The following CDH26 variants were observed in gnomAD, a reference collection of about 807,000 sequenced individuals.
The protein encoded by CDH26 is cadherin-like protein 26.
Under a neutral mutation model 90.3 loss-of-function variants are expected in CDH26, and 83 were observed. That is an observed-to-expected ratio of 0.92 (90% CI 0.77 to 1.10). The LOEUF is 1.10. Among genes scored for constraint, CDH26 ranks in the 50% least tolerant of loss-of-function variants. The probability of loss-of-function intolerance (pLI) is 0.00; values close to 1 mark genes in which losing one functional copy is unlikely to be tolerated. For synonymous variants in CDH26, 397 were observed against 396.3 expected, an observed-to-expected ratio of 1.00 and a Z score of -0.02; for missense variants, 1,013 against 1,037.6, an observed-to-expected ratio of 0.98 and a Z score of 0.33.
At chr20:60,021,891 CACACACAT>C (rs1218612989) in intron 7 of CDH26, among the ~76,000 whole-genome samples, 15 of 90,072 alleles carry the variant, frequency 1.7e-4, no homozygotes, top group African/African-American at 5.2e-4. Context: ...CACACACACA[CACACACAT>C]ATATATATAT....
chr20:60,021,912 A>ATATATATG (rs1457060851), intron 7 of CDH26, among the ~76,000 whole-genome samples: 1 of 141,160 alleles, frequency 7.1e-6, no homozygotes, highest in African/African-American at 2.5e-5. Context: ...ATATATATAT[A>ATATATATG]TATATCCTGA....
In CDH26 at chr20:59,996,686, A is replaced by G; in HGVS notation, c.1944A>G (p.Gly648=). The G allele has an allele frequency of 6.2e-7, 1 of 1,614,174 alleles. No individual in the cohort carries two copies. The highest frequency in any genetic ancestry group is 1.1e-5 in the South Asian group (1 of 91,086). The change falls in exon 13 of 18, where the codon GGA becomes GGG. Residue 648 remains glycine, a synonymous_variant. Coordinates refer to ENST00000348616, the MANE Select transcript of CDH26 (RefSeq NM_177980.4). The stretch of plus-strand genomic sequence containing the variant: ...TTGTGCTTGAACCTAAGAGGCATGG[A>G]TGCTCTGTATCCAATGATGAAGGCC... ...CYFVLEPKRH[G]CSVSNDEGHQ... is the part of the protein sequence containing the mutation.
At chr20:59,998,836 A>G (rs1222500314) in intron 13 of CDH26, among the ~76,000 whole-genome samples, 1 of 152,190 alleles carries the variant, frequency 6.6e-6, no homozygotes, top group African/African-American at 2.4e-5. Context: ...CATGCAATAA[A>G]GGGTGGCCGC....
intron 12 of CDH26, 74 bp downstream of exon 12, chr20:59,996,128 C>T (rs1198149580): frequency 1.4e-6 from 2 of 1,458,698 alleles, no homozygotes; most frequent in Admixed American, 1.9e-5. Context: ...AAGGGGCTTG[C>T]TGGGGTAGGG....
rs1224162831 is a variant in CDH26, at chr20:59,983,075, G to C, written c.541+5G>C. 6.2e-7 allele frequency: 1 copy of C among 1,613,000 alleles called. No individual in the cohort carries two copies. Among genetic ancestry groups the C allele is most frequent in the African/African-American group, 1.3e-5 (1 of 74,956 alleles). On this transcript the variant is annotated splice_donor_5th_base_variant and intron_variant, in intron 5 of 17. Transcript: ENST00000348616. ...TGCAAGAAAACCAATCTGCAGGTGT[G>C]TGCGGCTGGGGGGCTGCCGGGCTTC...
intron 7 of CDH26, among the ~76,000 whole-genome samples, chr20:60,023,215 CA>C (rs1449851557): frequency 2.0e-5 from 3 of 152,212 alleles, no homozygotes; most frequent in South Asian, 2.1e-4. Context: ...AGCCCTACTC[CA>C]CTCCTGAACC....
chr20:60,021,665 T>G (rs2061952193), intron 7 of CDH26, among the ~76,000 whole-genome samples: 2 of 152,114 alleles, frequency 1.3e-5, no homozygotes, highest in Non-Finnish European at 1.5e-5. Flanking sequence ...ATTCCTGCAT[T>G]ATGAGATGCT....
intron 5 of CDH26, among the ~76,000 whole-genome samples, chr20:59,984,031 A>T (rs2061424976): frequency 6.6e-6 from 1 of 152,204 alleles, no homozygotes; most frequent in Admixed American, 6.5e-5. Context: ...CTGTGTCCCA[A>T]TCAAGCATTA....
intron 1 of CDH26, among the ~76,000 whole-genome samples, chr20:59,960,573 G>A (rs1000976104): frequency 1.3e-5 from 2 of 152,160 alleles, no homozygotes; most frequent in East Asian, 1.9e-4. Flanking sequence ...ATACTTTTTC[G>A]AAGAAATCTT....
intron 1 of CDH26, among the ~76,000 whole-genome samples, chr20:59,966,722 G>A (rs141067532): frequency 6.6e-6 from 1 of 152,250 alleles, no homozygotes; most frequent in East Asian, 1.9e-4. Context: ...TTGGCCTTGT[G>A]GACTCTCTTA....
intron 4 of CDH26, among the ~76,000 whole-genome samples, chr20:59,974,230 T>C (rs1822562647): frequency 6.6e-6 from 1 of 152,264 alleles, no homozygotes; most frequent in African/African-American, 2.4e-5. Flanking sequence ...TTTGTCCACT[T>C]TTTAATGGGG....
chr20:59,997,292 T>C (rs1336935862), intron 13 of CDH26, among the ~76,000 whole-genome samples: 2 of 152,278 alleles, frequency 1.3e-5, no homozygotes, highest in African/African-American at 2.4e-5. Context: ...TCTTCTACCA[T>C]TGTCCGGCAA....
At chr20:59,967,587 T>G (rs918378251) in intron 1 of CDH26, among the ~76,000 whole-genome samples, 11 of 152,170 alleles carry the variant, frequency 7.2e-5, no homozygotes, top group African/African-American at 2.7e-4. Context: ...TGTGAAAATT[T>G]ACCAGTTGTT....
chr20:60,026,417 A>AGAGG (rs1265855438), intron 7 of CDH26, among the ~76,000 whole-genome samples: 2 of 151,724 alleles, frequency 1.3e-5, no homozygotes, highest in Non-Finnish European at 2.9e-5. Flanking sequence ...AGAGAGAGAG[A>AGAGG]GAGAGAGAGG....
At position 59,992,272 on chromosome 20, in the gene CDH26, G is replaced by T; in HGVS notation, c.1284-106G>T. On this transcript the variant is annotated intron_variant, in intron 9 of 17. Transcript: ENST00000348616. This position sits in a 1 kb window ranked among gnomAD's most constrained non-coding sequence, Gnocchi z 5.0. The stretch of plus-strand genomic sequence containing the variant: ...CTTAGAATTTCTCAAATTACTTGTG[G>T]TAGAAATAGTGTTTCTATGACATAT... 1 of 1,034,148 alleles carries T rather than the reference G, an allele frequency of 9.7e-7. No individual in the cohort carries two copies. Among genetic ancestry groups the T allele is most frequent in the South Asian group, 1.5e-5 (1 of 67,292 alleles). The allele number at this position is 1,034,148 out of a possible 1,614,324, so 64.1% of individuals were successfully genotyped here. A position where few individuals can be genotyped will look rare whatever the true frequency, so the allele number is the denominator to read the frequency against.
chr20:59,981,312 T>C (rs1371859563), intron 4 of CDH26, among the ~76,000 whole-genome samples: 5 of 152,162 alleles, frequency 3.3e-5, no homozygotes, highest in Non-Finnish European at 5.9e-5. Context: ...ACTTTATAGG[T>C]CAATTTGGAA....
At chr20:59,962,839 G>A (rs117269858) in intron 1 of CDH26, among the ~76,000 whole-genome samples, 2,095 of 152,266 alleles carry the variant, frequency 0.014, 40 homozygotes, top group Non-Finnish European at 0.017. Context: ...AGAAGCAGAG[G>A]CATCAAGGAT....
At chr20:59,991,656 C>T (rs1424523655) in intron 9 of CDH26, among the ~76,000 whole-genome samples, 1 of 152,130 alleles carries the variant, frequency 6.6e-6, no homozygotes, top group Non-Finnish European at 1.5e-5. Context: ...AAACATTTGC[C>T]CAGAAGATGA....
chr20:60,031,109 G>A, intron 7 of CDH26: 1 of 992,758 alleles, frequency 1.0e-6, no homozygotes, highest in Non-Finnish European at 1.2e-6. Context: ...ATAACTTCCT[G>A]ATGTTGCCAT....
Sources: gnomAD v4.1 joint callset for allele counts (sites outside exome capture counted in the v4.1 genomes callset) on GRCh38, gnomAD v4.1.1 for gene constraint, Gnocchi (gnomAD v3.1) non-coding constraint, MANE v1.5 for transcripts, NCBI Gene and HGNC (gene_info 2026-07-23, HGNC 2026-07-21) for gene names.